Variants in SLC14A2 observed in about 807,000 individuals in gnomAD.
The protein encoded by SLC14A2 is solute carrier family 14 member 2, also known as urea transporter 2.
Under a neutral mutation model 104.6 loss-of-function variants are expected in SLC14A2, and 91 were observed. The observed-to-expected ratio is 0.87, with a 90% CI of 0.73 to 1.04. The LOEUF is 1.04. SLC14A2 is among the 50% of genes least tolerant of loss of function. The probability of loss-of-function intolerance (pLI) is 0.00; values close to 1 mark genes in which losing one functional copy is unlikely to be tolerated. For synonymous variants in SLC14A2, 476 were observed against 466.4 expected (o/e 1.02, Z -0.27); for missense variants, 1,189 against 1,156.0 (o/e 1.03, Z -0.41).
At chr18:45,538,833 G>C (rs976065305) in intron 2 of SLC14A2, among the ~76,000 whole-genome samples, 6 of 147,650 alleles carry the variant, frequency 4.1e-5, no homozygotes, top group African/African-American at 1.0e-4. Context: ...ATGACCAAAG[G>C]TCCTTCTCCC....
intron 2 of SLC14A2, among the ~76,000 whole-genome samples, chr18:45,608,485 C>G (rs1273075920): frequency 3.3e-5 from 5 of 152,308 alleles, no homozygotes; most frequent in African/African-American, 1.2e-4. Context: ...GGTCCATGCT[C>G]TTTTTGTTCC....
chr18:45,173,781 C>G, the SLC14A2 span, among the ~76,000 whole-genome samples: 1 of 152,118 alleles, frequency 6.6e-6, no homozygotes, highest in Admixed American at 6.6e-5. Context: ...TGTTTGCTAG[C>G]AACCTGGCTG....
intron 2 of SLC14A2, among the ~76,000 whole-genome samples, chr18:45,523,493 C>T (rs1342728565): frequency 8.4e-6 from 1 of 119,104 alleles, no homozygotes; most frequent in African/African-American, 3.3e-5. Context: ...CCACACCCAG[C>T]TTTTTTTTTT....
At chr18:45,586,707 G>A (rs374084356) in intron 2 of SLC14A2, among the ~76,000 whole-genome samples, 3 of 151,960 alleles carry the variant, frequency 2.0e-5, no homozygotes, top group Admixed American at 6.6e-5. Flanking sequence ...GAGTCCACAG[G>A]TCCCTTTCCT....
chr18:45,597,741 G>A (rs1568292129), intron 2 of SLC14A2, among the ~76,000 whole-genome samples: 1 of 152,188 alleles, frequency 6.6e-6, no homozygotes, highest in Non-Finnish European at 1.5e-5. Context: ...TGGACTGAGG[G>A]CAGGCACAGG....
At chr18:45,266,521 C>T (rs971180159) in intron 1 of SLC14A2, among the ~76,000 whole-genome samples, 2 of 152,072 alleles carry the variant, frequency 1.3e-5, no homozygotes, top group African/African-American at 4.8e-5. Context: ...ATGGCCTCTT[C>T]ATAATTATTA....
At chr18:45,496,394 G>A (rs1223143842) in intron 2 of SLC14A2, among the ~76,000 whole-genome samples, 1 of 152,290 alleles carries the variant, frequency 6.6e-6, no homozygotes, top group Admixed American at 6.5e-5. Flanking sequence ...CAGTGGACCG[G>A]GAGAGGAAGA....
At chr18:45,272,028 A>G (rs2084656543) in intron 1 of SLC14A2, among the ~76,000 whole-genome samples, 1 of 152,084 alleles carries the variant, frequency 6.6e-6, no homozygotes, top group Non-Finnish European at 1.5e-5. Flanking sequence ...TGACAAGGAT[A>G]CCAAAAACAT....
intron 1 of SLC14A2, among the ~76,000 whole-genome samples, chr18:45,472,646 A>G (rs1454029595): frequency 6.6e-6 from 1 of 152,000 alleles, no homozygotes; most frequent in Non-Finnish European, 1.5e-5. Context: ...GCTTTTTTTC[A>G]TATGTTTGTT....
chr18:45,402,706 A>G (rs1262159747), intron 1 of SLC14A2, among the ~76,000 whole-genome samples: 3 of 152,174 alleles, frequency 2.0e-5, no homozygotes, highest in Non-Finnish European at 2.9e-5. Flanking sequence ...ATTTTGGTTT[A>G]TAAGAAAAGA....
chr18:45,485,221 C>T (rs1431830886), intron 2 of SLC14A2: 1 of 152,206 alleles, frequency 6.6e-6, no homozygotes, highest in African/African-American at 2.4e-5. Flanking sequence ...AAACTGGCCA[C>T]TTGGTTCTCA....
chr18:45,675,709 A>ATATATATATATT (rs57989993), intron 18 of SLC14A2, among the ~76,000 whole-genome samples: 10 of 78,384 alleles, frequency 1.3e-4, no homozygotes, highest in African/African-American at 4.4e-4. Flanking sequence ...ATATATATAT[A>ATATATATATATT]TTTTTTTTTT....
Position 45,644,154 on chromosome 18 carries a change from C to A in SLC14A2, c.1345C>A (p.Pro449Thr), listed in dbSNP as rs146625552. 58 of 1,614,030 alleles carry A rather than the reference C, an allele frequency of 3.6e-5. No homozygotes were observed. In the African/African-American group the frequency reaches 6.4e-4, roughly 18 times the overall value. The change falls in exon 10 of 20, where the codon CCC (proline) becomes ACC (threonine). Residue 449 changes from proline to threonine, a missense_variant. By Grantham distance (38) the Pro-to-Thr change is conservative. Coordinates refer to ENST00000255226, the MANE Select transcript of SLC14A2 (RefSeq NM_007163.4). The stretch of plus-strand genomic sequence containing the variant: ...GAAAAGCGGTGAAGAAGAGAAGGCC[C>A]CCAGCGGTGAATAGCCATGTTCGGG... ...TVKSGEEEKA[P>T]SGGGGEHPPT...
At chr18:45,481,687 A>G (rs1308287302) in intron 1 of SLC14A2, among the ~76,000 whole-genome samples, 1 of 152,216 alleles carries the variant, frequency 6.6e-6, no homozygotes, top group Non-Finnish European at 1.5e-5. Context: ...CTGAAAAAAA[A>G]CAGGATTTTC....
chr18:45,329,462 A>G (rs990517957), intron 1 of SLC14A2, among the ~76,000 whole-genome samples: 5 of 152,196 alleles, frequency 3.3e-5, no homozygotes, highest in African/African-American at 1.2e-4. Flanking sequence ...AATAGAAAAG[A>G]CTGTGTCCCA....
Position 45,534,439 on chromosome 18 carries a change from C to T in SLC14A2, c.-35+51117C>T, listed in dbSNP as rs1042013210. ...TTAGCAGCTGAAAAAGAGCTAAAAC[C>T]AGCTCAGTGGTTTTTCTACTATACT... is the stretch of plus-strand genomic sequence containing the variant. On this transcript the variant is annotated intron_variant, in intron 2 of 20. Transcript: ENST00000586448. Among the ~76,000 whole-genome samples the T allele has an allele frequency of 3.9e-5, 6 of 152,166 alleles. No individual in the cohort carries two copies. In the East Asian group the frequency reaches 1.2e-3, roughly 29 times the overall value.
At chr18:45,299,951 G>A (rs2084952265) in intron 1 of SLC14A2, among the ~76,000 whole-genome samples, 1 of 152,104 alleles carries the variant, frequency 6.6e-6, no homozygotes, top group African/African-American at 2.4e-5. Flanking sequence ...GACATGCAAG[G>A]GGGTGATATT....
chr18:45,247,089 A>G (rs530214133), intron 1 of SLC14A2, among the ~76,000 whole-genome samples: 1 of 152,294 alleles, frequency 6.6e-6, no homozygotes, highest in East Asian at 1.9e-4. Context: ...CATCAAGTTT[A>G]ATGTGTAGGT....
At chr18:45,581,636 C>T (rs1396228121) in intron 2 of SLC14A2, among the ~76,000 whole-genome samples, 2 of 152,182 alleles carry the variant, frequency 1.3e-5, no homozygotes, top group Non-Finnish European at 1.5e-5. Context: ...TCAGTTTTCT[C>T]ATCCTCAGAA....
Sources: gnomAD v4.1 joint callset for allele counts (sites outside exome capture counted in the v4.1 genomes callset) on GRCh38, gnomAD v4.1.1 for gene constraint, MANE v1.5 for transcripts, NCBI Gene and HGNC (gene_info 2026-07-23, HGNC 2026-07-21) for gene names.